DST: variants seen among roughly 807,000 people sequenced by gnomAD.
DST encodes the protein bullous pemphigoid antigen.
In DST, 253 loss-of-function variants were observed where a neutral mutation model predicts 875.2. That is an observed-to-expected ratio of 0.29 (90% CI 0.26 to 0.32). DST has a LOEUF of 0.32. Ranked by LOEUF, DST falls within the 10% of genes least tolerant of loss-of-function variation. The probability of loss-of-function intolerance (pLI) is 1.00; values close to 1 mark genes in which losing one functional copy is unlikely to be tolerated. For synonymous variants in DST, 3,124 were observed against 3,197.1 expected (o/e 0.98, Z 0.77); for missense variants, 8,287 against 9,111.6 (o/e 0.91, Z 3.68).
intron 3 of DST, chr6:56,871,224 A>G: frequency 5.2e-6 from 4 of 768,476 alleles, no homozygotes; most frequent in Non-Finnish European, 7.2e-6. Context: ...AGAGAACCAC[A>G]CAAAGTCATG....
At chr6:56,635,776 C>A in intron 23 of DST, 62 bp from the exon 24 acceptor site, 1 of 1,579,064 alleles carries the variant, frequency 6.3e-7, no homozygotes, top group South Asian at 1.1e-5. Context: ...ACACAGTTGT[C>A]ACACTCCAAT....
At chr6:56,567,429 T>TAAAAA (rs61119609) in intron 55 of DST, among the ~76,000 whole-genome samples, 49 of 104,840 alleles carry the variant, frequency 4.7e-4, no homozygotes, top group African/African-American at 1.9e-3. Context: ...TTACCAAGAG[T>TAAAAA]AAAAAAAAAA....
rs141514400 is a variant in DST at position 56,646,309 on chromosome 6, C to T, written c.1555-127G>A. On this transcript the variant is annotated intron_variant, in intron 13 of 103. Coordinates refer to ENST00000680361, the MANE Select transcript of DST (RefSeq NM_001374736.1). ...AGTCAGTGGAATTCCTTTGTTAAACCGACACTCAAAGACAATACCAATTTC... is the reference window on the plus strand; with the variant it reads ...AGTCAGTGGAATTCCTTTGTTAAACTGACACTCAAAGACAATACCAATTTC... 1,149 of 523,018 alleles carry T rather than the reference C, an allele frequency of 2.2e-3. 4 individuals are homozygous for T. Among genetic ancestry groups the T allele is most frequent in the African/African-American group, 0.02 (1,025 of 51,026 alleles). 32.4% of individuals were successfully genotyped at this position (523,018 alleles called of 1,614,324 possible).
chr6:56,535,231 G>A lies in DST; in HGVS notation c.16832C>T (p.Ala5611Val). 6.2e-7 allele frequency: 1 copy of A among 1,612,996 alleles called. No homozygotes were observed. Reference protein sequence around the residue: ...ALLHCGRFQDALESLLSWMVD... With the variant: ...ALLHCGRFQDVLESLLSWMVD... ...CATCCAGCTGAGCAGGGACTCCAGG[G>A]CATCCTGGAACCTCCCACAGTGCAG... The change falls in exon 63 of 104, where the codon GCC (alanine) becomes GTC (valine). Residue 5611 changes from alanine (A) to valine (V), a missense_variant. By Grantham distance (64) the Ala-to-Val change is moderately conservative (BLOSUM62 0). Coordinates refer to ENST00000680361, the MANE Select transcript of DST (RefSeq NM_001374736.1).
rs887045150 is a variant in DST at position 56,693,500 on chromosome 6, G to A, written c.1047+6153C>T. ...AAGATTATGACTGTTTTTAACCTTC[G>A]GTTTTCTGAAATGCAGATACACTAA... On this transcript the variant is annotated intron_variant, in intron 9 of 103. Transcript: ENST00000680361. The A allele has an allele frequency of 1.5e-5, 11 of 733,842 alleles. No homozygotes were observed. In the Admixed American group the frequency reaches 2.5e-4, roughly 17 times the overall value. The allele number at this position is 733,842 out of a possible 1,614,324, so 45.5% of individuals were successfully genotyped here.
At chr6:56,719,448 T>A (rs182536152) in intron 5 of DST, among the ~76,000 whole-genome samples, 1 of 152,310 alleles carries the variant, frequency 6.6e-6, no homozygotes, top group African/African-American at 2.4e-5. Context: ...GGTTACCAAG[T>A]GGTCTAGTTA....
At chr6:56,904,530 A>G (rs1399695080) in intron 2 of DST, among the ~76,000 whole-genome samples, 2 of 152,224 alleles carry the variant, frequency 1.3e-5, no homozygotes, top group African/African-American at 4.8e-5. Context: ...ATACATTATT[A>G]TCATTATTAT....
intron 36 of DST, chr6:56,619,563 T>A (rs994885971): frequency 6.2e-7 from 1 of 1,613,888 alleles, no homozygotes; most frequent in African/African-American, 1.3e-5. Context: ...TGTGCCCTTG[T>A]GATTCTGTCT....
chr6:56,581,970 C>A (rs1271822055), intron 49 of DST, among the ~76,000 whole-genome samples: 3 of 152,172 alleles, frequency 2.0e-5, no homozygotes, highest in Non-Finnish European at 4.4e-5. Context: ...GCAAATCAAC[C>A]ATTTAAAGCT....
rs781157616 is a variant in DST, at chr6:56,620,017, C to T, written c.4929+4513G>A. On this transcript the variant is annotated intron_variant, in intron 36 of 103. Transcript: ENST00000680361. ...CCCTGCATGATGTAGCCTGTGTGAT[C>T]GGACACACTGGCAATGCATTTTCTC... 22 of 1,613,846 alleles carry T rather than the reference C, an allele frequency of 1.4e-5. No homozygotes were observed. Among genetic ancestry groups the T allele is most frequent in the South Asian group, 6.6e-5 (6 of 91,072 alleles).
At chr6:56,762,027 G>GTT (rs35664391) in intron 4 of DST, among the ~76,000 whole-genome samples, 39 of 148,728 alleles carry the variant, frequency 2.6e-4, no homozygotes, top group Middle Eastern at 3.4e-3. Flanking sequence ...CTCCAGAAAT[G>GTT]TTTTTTTTTT....
intron 5 of DST, among the ~76,000 whole-genome samples, chr6:56,731,307 G>A (rs2099497257): frequency 6.6e-6 from 1 of 152,192 alleles, no homozygotes; most frequent in African/African-American, 2.4e-5. Context: ...ACCCAGACTG[G>A]ACTCAAGAGA....
At chr6:56,617,348 G>C (rs1211860403) in intron 36 of DST, 4 of 1,613,858 alleles carry the variant, frequency 2.5e-6, no homozygotes, top group Non-Finnish European at 3.4e-6. Flanking sequence ...TTCAGCACTG[G>C]GAACTGGGTT....
intron 25 of DST, 78 bp downstream of exon 25, chr6:56,634,723 C>G: frequency 6.3e-7 from 1 of 1,598,574 alleles, no homozygotes; most frequent in East Asian, 2.2e-5. Context: ...ATCTTGATCA[C>G]TAGTTAGCAA....
Position 56,492,510 on chromosome 6 carries a change from A to T in DST, c.20551-77T>A, listed in dbSNP as rs1216250776. The T allele has an allele frequency of 2.2e-6, 3 of 1,388,414 alleles. No individual in the cohort carries two copies. In the East Asian group the frequency reaches 6.8e-5, roughly 32 times the overall value. The allele number at this position is 1,388,414 out of a possible 1,614,324, so 86.0% of individuals were successfully genotyped here. The stretch of plus-strand genomic sequence containing the variant: ...CTTAAAAATGCTTCTGGTGTCATAA[A>T]CCTGAAATTATTTTAAAGGACAAAC... On this transcript the variant is annotated intron_variant, in intron 84 of 103. Coordinates refer to ENST00000680361, the MANE Select transcript of DST (RefSeq NM_001374736.1).
At chr6:56,691,217 A>T (rs2099226438) in intron 9 of DST, among the ~76,000 whole-genome samples, 1 of 152,208 alleles carries the variant, frequency 6.6e-6, no homozygotes, top group Non-Finnish European at 1.5e-5. Context: ...ATATTCATAA[A>T]CATATAGTAG....
At position 56,954,669 on chromosome 6, in the gene DST, G is replaced by C. The variant is rs1471668001; in HGVS notation, c.-82C>G. 1.0e-6 allele frequency: 1 copy of C among 984,400 alleles called. No homozygotes were observed. Among genetic ancestry groups the C allele is most frequent in the Non-Finnish European group, 1.3e-6 (1 of 790,266 alleles). 61.0% of individuals were successfully genotyped at this position (984,400 alleles called of 1,614,324 possible). ...ACCCGCGCTGGGCGCACGCCGGGAC[G>C]GCGGGCACGGGTGAGCGCGGCTCAG... On this transcript the variant is annotated 5_prime_UTR_variant, in exon 1 of 104. Coordinates refer to ENST00000680361, the MANE Select transcript of DST (RefSeq NM_001374736.1).
intron 4 of DST, among the ~76,000 whole-genome samples, chr6:56,737,474 G>A (rs2099529635): frequency 6.6e-6 from 1 of 152,160 alleles, no homozygotes; most frequent in African/African-American, 2.4e-5. Context: ...GTTAATTAAA[G>A]CAAAATACAA....
chr6:56,552,074 G>T, intron 61 of DST, 110 bp downstream of exon 61: 1 of 1,257,422 alleles, frequency 8.0e-7, no homozygotes, highest in Non-Finnish European at 1.1e-6. Context: ...CTCAAATATT[G>T]TATGACAATC....
Sources: gnomAD v4.1 joint callset for allele counts (sites outside exome capture counted in the v4.1 genomes callset) on GRCh38, gnomAD v4.1.1 for gene constraint, MANE v1.5 for transcripts, NCBI Gene and HGNC (gene_info 2026-07-23, HGNC 2026-07-21) for gene names.